Variants in PLIN2 observed in about 807,000 individuals in gnomAD.
The protein encoded by PLIN2 is perilipin-2.
A neutral mutation model predicts 30.6 loss-of-function variants in PLIN2; 33 were observed. The observed-to-expected ratio is 1.08, with a 90% confidence interval of 0.82 to 1.44. PLIN2 has a LOEUF of 1.44. Among genes scored for constraint, PLIN2 ranks in the 40% most tolerant of loss-of-function variants. The pLI is 0.00. For synonymous variants in PLIN2, 205 were observed against 201.1 expected, an observed-to-expected ratio of 1.02 and a Z score of -0.16; for missense variants, 610 against 531.8, an observed-to-expected ratio of 1.15 and a Z score of -1.45.
At chr9:19,111,137 A>C (rs1023239406), downstream of PLIN2, among the ~76,000 whole-genome samples, 2 of 151,856 alleles carry the variant, frequency 1.3e-5, no homozygotes, top group African/African-American at 2.4e-5. Flanking sequence ...GGCTCACTGC[A>C]ACCTTCGCCT....
At chr9:19,117,645 T>C (rs935948103) in intron 7 of PLIN2, among the ~76,000 whole-genome samples, 2 of 149,424 alleles carry the variant, frequency 1.3e-5, no homozygotes, top group African/African-American at 2.5e-5. Context: ...TGAGACAGAG[T>C]CTTACTCTGT....
intron 4 of PLIN2, among the ~76,000 whole-genome samples, chr9:19,122,665 G>A (rs187704358): frequency 1.3e-5 from 2 of 151,824 alleles, no homozygotes; most frequent in African/African-American, 2.4e-5. Flanking sequence ...CCTAACCCCC[G>A]GGCCATGGAC....
intron 2 of PLIN2, among the ~76,000 whole-genome samples, chr9:19,109,674 A>G (rs1312643757): frequency 6.7e-6 from 1 of 150,266 alleles, no homozygotes. Flanking sequence ...AGCAACAAAA[A>G]TCCCTCAAAA....
At position 19,119,676 on chromosome 9, in the gene PLIN2, A is replaced by G. The variant is rs35568725; in HGVS notation, c.751T>C (p.Ser251Pro). 77,815 of 1,603,904 alleles carry G rather than the reference A, an allele frequency of 0.049. 2,159 individuals carry two copies. The highest frequency in any genetic ancestry group is 0.054 in the Non-Finnish European group (63,255 of 1,173,804). Residue 251 changes from serine (S) to proline (P), a missense_variant, in exon 6 of 8, where the codon TCT becomes CCT. Physicochemically the swap from Ser to Pro is moderately conservative, Grantham distance 74 (BLOSUM62 -1). Transcript: ENST00000276914. ...AGGTGAACAGTAGAATGGAGCTGAGAAATGGTCTGTTGGCTTTTTTGCTTA... is the reference window on the plus strand; with the variant it reads ...AGGTGAACAGTAGAATGGAGCTGAGGAATGGTCTGTTGGCTTTTTTGCTTA... ...EAKQKSQQTI[S>P]QLHSTVHLIE... is the part of the protein sequence containing the mutation.
rs1254666014 is a variant in PLIN2 at position 19,118,338 on chromosome 9, C to G, written c.895G>C (p.Glu299Gln). 1 of 1,613,072 alleles carries G rather than the reference C, an allele frequency of 6.2e-7. No individual in the cohort carries two copies. The highest frequency in any genetic ancestry group is 1.7e-5 in the Admixed American group (1 of 59,762). The change falls in exon 7 of 8, where the codon GAG becomes CAG. Residue 299 changes from glutamate to glutamine, a missense_variant. By Grantham distance (29) the Glu-to-Gln change is conservative (BLOSUM62 2). Transcript: ENST00000276914. ...CATCTTACCTCAGCACAGTGGGACT[C>G]ATCAGTATCATCATATCCAATGCTC... ...KRSIGYDDTD[E>Q]SHCAEHIESR... is the part of the protein sequence containing the mutation.
Position 19,119,659 on chromosome 9 carries a change from A to G in PLIN2, c.768T>C (p.Thr256=), listed in dbSNP as rs1484209649. 2 of 1,580,194 alleles carry G rather than the reference A, an allele frequency of 1.3e-6. No individual in the cohort carries two copies. The highest frequency in any genetic ancestry group is 1.7e-6 in the Non-Finnish European group (2 of 1,160,524). The change falls in exon 6 of 8, where the codon ACT becomes ACC. Residue 256 remains threonine (T), a synonymous_variant. Transcript: ENST00000276914. ...SQQTISQLHS[T]VHLIEFARKN... is the part of the protein sequence containing the mutation. ...ATAAAGTTTTACTCACCAGGTGAACAGTAGAATGGAGCTGAGAAATGGTCT... is the reference window on the plus strand; with the variant it reads ...ATAAAGTTTTACTCACCAGGTGAACGGTAGAATGGAGCTGAGAAATGGTCT...
At chr9:19,125,934 AAAAGG>A (rs1273156992) in intron 3 of PLIN2, 175 bp downstream of exon 3, 366 of 555,034 alleles carry the variant, frequency 6.6e-4, no homozygotes, top group South Asian at 3.5e-3. Context: ...AAAAAAAAAA[AAAAGG>A]AAAGAAAAGA....
chr9:19,109,513 C>A (rs1356724880), intron 2 of PLIN2, among the ~76,000 whole-genome samples: 17 of 147,710 alleles, frequency 1.2e-4, no homozygotes, highest in African/African-American at 4.2e-4. Flanking sequence ...ACCACTCCAG[C>A]CTGGGCGACA....
At chr9:19,110,066 C>T (rs1246358047) in intron 2 of PLIN2, among the ~76,000 whole-genome samples, 1 of 152,090 alleles carries the variant, frequency 6.6e-6, no homozygotes, top group Non-Finnish European at 1.5e-5. Context: ...CTCTCTCCCC[C>T]AGGTTGGAGT....
Position 19,116,570 on chromosome 9 carries a change from T to C in PLIN2, c.992A>G (p.Asn331Ser). 6.2e-7 allele frequency: 1 copy of C among 1,614,174 alleles called. No individual in the cohort carries two copies. The highest frequency in any genetic ancestry group is 2.2e-5 in the East Asian group (1 of 44,890). ...LQTTCHTLLS[N>S]IQGVPQNIQD... ...GATGTTCTGTGGTACACCTTGGATG[T>C]TGGACAGGAGGGTGTGGCACGTGGT... The change falls in exon 8 of 8, where the codon AAC becomes AGC. Residue 331 changes from asparagine to serine, a missense_variant. By Grantham distance (46) the Asn-to-Ser change is conservative (BLOSUM62 1). Transcript: ENST00000276914.
Position 19,121,000 on chromosome 9 carries a change from T to C in PLIN2, c.475A>G (p.Ser159Gly). The change falls in exon 5 of 8, where the codon AGC becomes GGC. Residue 159 changes from serine to glycine, a missense_variant. Transcript: ENST00000276914. ...VEKTKSVVSG[S>G]INTVLGSRMM... ...CGACTCCCCAAGACTGTGTTAATGC[T>C]GCCACTGACCACAGACTTGGTCTTC... The C allele has an allele frequency of 6.2e-7, 1 of 1,614,196 alleles. No homozygotes were observed.
chr9:19,109,011 T>C (rs543014146), intron 2 of PLIN2, among the ~76,000 whole-genome samples: 11 of 152,358 alleles, frequency 7.2e-5, no homozygotes, highest in African/African-American at 2.6e-4. Context: ...AAAGCATTTT[T>C]TGTTATTCAA....
intron 4 of PLIN2, among the ~76,000 whole-genome samples, chr9:19,122,654 C>T (rs1418390821): frequency 6.6e-6 from 1 of 151,632 alleles, no homozygotes; most frequent in Non-Finnish European, 1.5e-5. Flanking sequence ...CACCACAAGT[C>T]CCTAACCCCC....
chr9:19,125,190 T>C (rs1818376567), intron 3 of PLIN2, among the ~76,000 whole-genome samples: 1 of 152,240 alleles, frequency 6.6e-6, no homozygotes, highest in Non-Finnish European at 1.5e-5. Context: ...CAACCATTTT[T>C]AACTGTGCAA....
chr9:19,116,487 T>G lies in PLIN2; in HGVS notation c.1075A>C (p.Asn359His). ...MAGDIYSVFRNAASFKEVSDS... is the reference protein window; with the variant it reads ...MAGDIYSVFRHAASFKEVSDS... The stretch of plus-strand genomic sequence containing the variant: ...GACACTTCTTTAAAGGAGGCAGCAT[T>G]GCGGAACACTGAGTAGATGTCGCCT... Residue 359 changes from asparagine to histidine, a missense_variant, in exon 8 of 8, where the codon AAT becomes CAT. Asn to His is a moderately conservative substitution (Grantham distance 68). Transcript: ENST00000276914. The G allele has an allele frequency of 6.2e-7, 1 of 1,614,218 alleles. No homozygotes were observed. The highest frequency in any genetic ancestry group is 2.2e-5 in the East Asian group (1 of 44,892).
Position 19,126,294 on chromosome 9 carries a change from C to G in PLIN2, c.46G>C (p.Val16Leu). The G allele has an allele frequency of 6.2e-7, 1 of 1,613,894 alleles. No homozygotes were observed. The highest frequency in any genetic ancestry group is 8.5e-7 in the Non-Finnish European group (1 of 1,179,858). Residue 16 changes from valine (V) to leucine (L), a missense_variant, in exon 3 of 8, where the codon GTG becomes CTG. Physicochemically the swap from Val to Leu is conservative, Grantham distance 32 (BLOSUM62 1). Transcript: ENST00000276914. ...VDPQPSVVTR[V>L]VNLPLVSSTY... ...GAGCTCACCAAGGGCAGGTTGACCA[C>G]CCGAGTCACCACACTCTGCAATCAA...
At chr9:19,111,754 T>A (rs539689169), downstream of PLIN2, among the ~76,000 whole-genome samples, 1 of 152,184 alleles carries the variant, frequency 6.6e-6, no homozygotes, top group South Asian at 2.1e-4. Flanking sequence ...TAGCCCTATA[T>A]CTTATATAAA....
In PLIN2 at chr9:19,119,606, TA is replaced by T. The variant is rs535880894; in HGVS notation, c.777+43del. 1.5e-4 allele frequency: 180 copies of T among 1,196,340 alleles called. No individual in the cohort carries two copies. The Middle Eastern group carries it at 1.8e-3, about 12-fold the overall frequency. The allele number at this position is 1,196,340 out of a possible 1,614,324, so 74.1% of individuals were successfully genotyped here. A position where few individuals can be genotyped will look rare whatever the true frequency, so the allele number is the denominator to read the frequency against. Reference sequence around the variant, plus strand: ...TACATTTAATTCTTGGGCCTAGAGATAAATGAACCCACTTCAGACACCTTAA... The same window carrying T: ...TACATTTAATTCTTGGGCCTAGAGATAATGAACCCACTTCAGACACCTTAA... On this transcript the variant is annotated intron_variant, in intron 6 of 7. Transcript: ENST00000276914.
At chr9:19,110,637 G>A (rs1225449087) in intron 2 of PLIN2, among the ~76,000 whole-genome samples, 6 of 151,640 alleles carry the variant, frequency 4.0e-5, no homozygotes, top group African/African-American at 7.3e-5. Flanking sequence ...CACCACACCC[G>A]GCTAATTTTT....
Sources: gnomAD v4.1 joint callset for allele counts (sites outside exome capture counted in the v4.1 genomes callset) on GRCh38, gnomAD v4.1.1 for gene constraint, MANE v1.5 for transcripts, NCBI Gene and HGNC (gene_info 2026-07-23, HGNC 2026-07-21) for gene names.